AHI1: variants seen among roughly 807,000 people sequenced by gnomAD.
The protein encoded by AHI1 is jouberin.
Under a neutral mutation model 149.3 loss-of-function variants are expected in AHI1, and 123 were observed. The ratio of observed to expected loss-of-function variants is 0.82; its 90% CI spans 0.71 to 0.96. AHI1 has a LOEUF of 0.96. Among genes scored for constraint, AHI1 ranks in the 40% least tolerant of loss-of-function variants. AHI1 has a pLI of 0.00. For synonymous variants in AHI1, 475 were observed against 459.8 expected, an observed-to-expected ratio of 1.03 and a Z score of -0.42; for missense variants, 1,439 against 1,422.7, an observed-to-expected ratio of 1.01 and a Z score of -0.18.
At chr6:135,399,653 C>G (rs533182478) in intron 22 of AHI1, among the ~76,000 whole-genome samples, 11 of 152,160 alleles carry the variant, frequency 7.2e-5, no homozygotes, top group African/African-American at 1.9e-4. Flanking sequence ...ATCAATTCAT[C>G]TGCCTTCTAA....
chr6:135,360,233 A>G (rs891312887), intron 23 of AHI1, among the ~76,000 whole-genome samples: 6 of 152,222 alleles, frequency 3.9e-5, no homozygotes, highest in African/African-American at 1.4e-4. Context: ...TATAATGGTT[A>G]GTATTATATG....
intron 23 of AHI1, among the ~76,000 whole-genome samples, chr6:135,384,651 T>G (rs552834884): frequency 1.3e-5 from 2 of 152,326 alleles, no homozygotes; most frequent in Non-Finnish European, 2.9e-5. Flanking sequence ...GTTTTATTAT[T>G]AAAAGTGTTA....
At chr6:135,435,500 A>C (rs974225234) in intron 15 of AHI1, among the ~76,000 whole-genome samples, 15 of 152,160 alleles carry the variant, frequency 9.9e-5, no homozygotes, top group African/African-American at 3.4e-4. Context: ...TAAGTTTCAA[A>C]GGGCAGGAAG....
rs146608934 is a variant in AHI1, at chr6:135,366,331, C to T, written c.3110-8144G>A. 5.7e-3 allele frequency among the ~76,000 whole-genome samples: 860 copies of T among 152,090 alleles called. 29 individuals carry two copies. The highest frequency in any genetic ancestry group is 1.1e-3 in the Non-Finnish European group (74 of 67,992). On this transcript the variant is annotated intron_variant, in intron 23 of 28. Coordinates refer to ENST00000265602, the MANE Select transcript of AHI1 (RefSeq NM_001134831.2). The stretch of plus-strand genomic sequence containing the variant: ...GATTTAGGAAAGATTCCCTTGTTCT[C>T]TATCTTTTGGAATAGTGTCAGGAGG...
At chr6:135,289,827 C>T (rs942650826) in intron 28 of AHI1, among the ~76,000 whole-genome samples, 11 of 152,132 alleles carry the variant, frequency 7.2e-5, no homozygotes, top group Admixed American at 2.6e-4. Context: ...TGAACAGCTT[C>T]GTAACATTTC....
At position 135,285,474 on chromosome 6, in the gene AHI1, C is replaced by A; in HGVS notation, c.*171G>T. On this transcript the variant is annotated 3_prime_UTR_variant, in exon 29 of 29. Transcript: ENST00000265602. Reference sequence around the variant, plus strand: ...GAACTCAAAGGCCACGTTGATTTTTCCACCCACAACTTGATTCTGATTTTT... The same window carrying A: ...GAACTCAAAGGCCACGTTGATTTTTACACCCACAACTTGATTCTGATTTTT... 1.4e-6 allele frequency: 1 copy of A among 712,268 alleles called. No individual in the cohort carries two copies. Among genetic ancestry groups the A allele is most frequent in the South Asian group, 1.7e-5 (1 of 58,002 alleles). 44.1% of individuals were successfully genotyped at this position (712,268 alleles called of 1,614,324 possible).
rs973200573 is a variant in AHI1 at position 135,464,998 on chromosome 6, T to C, written c.749+816A>G. On this transcript the variant is annotated intron_variant, in intron 7 of 28. Transcript: ENST00000265602. Reference sequence around the variant, plus strand: ...TTTTAATGGAGCAACAGATAACTAATATATACTATCATGTCCCTGCAGCAA... The same window carrying C: ...TTTTAATGGAGCAACAGATAACTAACATATACTATCATGTCCCTGCAGCAA... Among the ~76,000 whole-genome samples, 12 of 152,320 alleles carry C rather than the reference T, an allele frequency of 7.9e-5. No homozygotes were observed. In the East Asian group the frequency reaches 2.1e-3, roughly 27 times the overall value.
intron 5 of AHI1, among the ~76,000 whole-genome samples, chr6:135,481,757 C>T (rs1793685942): frequency 1.4e-5 from 2 of 143,316 alleles, no homozygotes; most frequent in Admixed American, 1.4e-4. Context: ...CAAATTCTTT[C>T]AGCTTTTGTG....
intron 5 of AHI1, among the ~76,000 whole-genome samples, chr6:135,474,868 T>C (rs1792339380): frequency 6.6e-6 from 1 of 152,242 alleles, no homozygotes; most frequent in Admixed American, 6.5e-5. Context: ...TTTTGGTATG[T>C]ATTTTTCTTG....
At chr6:135,325,529 T>C (rs1787535281) in intron 24 of AHI1, among the ~76,000 whole-genome samples, 1 of 152,234 alleles carries the variant, frequency 6.6e-6, no homozygotes, top group African/African-American at 2.4e-5. Flanking sequence ...TTAATCCTTA[T>C]GACAACTTGG....
chr6:135,426,877 C>A (rs1783985123), intron 20 of AHI1, among the ~76,000 whole-genome samples: 1 of 151,626 alleles, frequency 6.6e-6, no homozygotes, highest in African/African-American at 2.4e-5. Flanking sequence ...AGTAACAACA[C>A]AGGATAAAAT....
chr6:135,312,765 C>A lies in AHI1; in HGVS notation c.3426+5754G>T, dbSNP rs551988730. Among the ~76,000 whole-genome samples, 29 of 152,244 alleles carry A rather than the reference C, an allele frequency of 1.9e-4. No homozygotes were observed. In the South Asian group the frequency reaches 5.8e-3, roughly 30 times the overall value. ...TTTAAACGAACTTCTTATAGCTTCC[C>A]GGATCTCAATTTCCTGTAGAATGAA... is the stretch of plus-strand genomic sequence containing the variant. On this transcript the variant is annotated intron_variant, in intron 26 of 28. Coordinates refer to ENST00000265602, the MANE Select transcript of AHI1 (RefSeq NM_001134831.2).
At chr6:135,423,364 T>A (rs1783487542) in intron 20 of AHI1, among the ~76,000 whole-genome samples, 1 of 152,188 alleles carries the variant, frequency 6.6e-6, no homozygotes, top group Non-Finnish European at 1.5e-5. Context: ...ACATGCCAGG[T>A]ACTATGTTAG....
intron 28 of AHI1, among the ~76,000 whole-genome samples, chr6:135,290,138 C>T (rs1782157432): frequency 6.6e-6 from 1 of 152,102 alleles, no homozygotes; most frequent in South Asian, 2.1e-4. Flanking sequence ...CTAGTTACTG[C>T]CTAGCTTTTT....
At chr6:135,422,437 T>C (rs1475572641) in intron 20 of AHI1, among the ~76,000 whole-genome samples, 3 of 151,500 alleles carry the variant, frequency 2.0e-5, no homozygotes, top group African/African-American at 4.9e-5. Context: ...ACCCAGGAGG[T>C]TGAGGCCGCA....
rs114874016 is a variant in AHI1 at position 135,318,451 on chromosome 6, G to T, written c.3426+68C>A. 19,619 of 1,006,246 alleles carry T rather than the reference G, an allele frequency of 0.019. 356 individuals are homozygous for T. The highest frequency in any genetic ancestry group is 0.046 in the African/African-American group (2,827 of 61,888). 62.3% of individuals were successfully genotyped at this position (1,006,246 alleles called of 1,614,324 possible). On this transcript the variant is annotated intron_variant, in intron 26 of 28. Coordinates refer to ENST00000265602, the MANE Select transcript of AHI1 (RefSeq NM_001134831.2). ...AAGGATAATAAGCATAAAAAATAAA[G>T]TAATATTTTATCCAGAGAGAGTGAA... is the stretch of plus-strand genomic sequence containing the variant.
chr6:135,292,118 AC>A, intron 27 of AHI1, among the ~76,000 whole-genome samples: 1 of 151,922 alleles, frequency 6.6e-6, no homozygotes, highest in African/African-American at 2.4e-5. Context: ...TTACACACAC[AC>A]ACACACACAC....
At chr6:135,387,783 A>G in intron 23 of AHI1, 2 of 1,272,744 alleles carry the variant, frequency 1.6e-6, no homozygotes, top group Non-Finnish European at 2.0e-6. Context: ...AAAGCCTCCC[A>G]TAACCTCATA....
chr6:135,356,220 C>CT (rs1026256698), intron 24 of AHI1, among the ~76,000 whole-genome samples: 11 of 152,130 alleles, frequency 7.2e-5, no homozygotes, highest in African/African-American at 2.2e-4. Flanking sequence ...GGTATCTCTT[C>CT]TTTTTTTGGG....
Sources: gnomAD v4.1 joint callset for allele counts (sites outside exome capture counted in the v4.1 genomes callset) on GRCh38, gnomAD v4.1.1 for gene constraint, MANE v1.5 for transcripts, NCBI Gene and HGNC (gene_info 2026-07-23, HGNC 2026-07-21) for gene names.